GPR176: variants seen among roughly 807,000 people sequenced by gnomAD.
GPR176 encodes the protein G protein-coupled receptor 176.
In GPR176, 26 loss-of-function variants were observed where a neutral mutation model predicts 35.4. That is an observed-to-expected ratio of 0.74 (90% confidence interval 0.54 to 1.02). The LOEUF is 1.02. Among genes scored for constraint, GPR176 ranks in the 50% least tolerant of loss-of-function variants. The pLI is 0.00. For missense variants in GPR176, 597 were observed against 665.3 expected (o/e 0.90, Z 1.13); for synonymous variants, 278 against 271.3 (o/e 1.02, Z -0.24).
At chr15:39,905,931 C>G (rs1263643996) in intron 1 of GPR176, among the ~76,000 whole-genome samples, 1 of 152,174 alleles carries the variant, frequency 6.6e-6, no homozygotes, top group African/African-American at 2.4e-5. Context: ...ACAAACTACA[C>G]ACACACAAGC....
intron 1 of GPR176, chr15:39,909,842 T>C (rs1431837378): frequency 1.2e-6 from 1 of 864,310 alleles, no homozygotes; most frequent in Non-Finnish European, 1.4e-6. Flanking sequence ...AACTGTAAAT[T>C]TGGTAATCTT....
chr15:39,873,010 A>G (rs2032106426), intron 1 of GPR176, among the ~76,000 whole-genome samples: 1 of 151,660 alleles, frequency 6.6e-6, no homozygotes, highest in South Asian at 2.1e-4. Context: ...TAAGAAAATA[A>G]CTTTGGTAAC....
At chr15:39,805,583 C>T (rs1899139108) in intron 2 of GPR176, among the ~76,000 whole-genome samples, 1 of 152,144 alleles carries the variant, frequency 6.6e-6, no homozygotes, top group Non-Finnish European at 1.5e-5. Context: ...GACACACTCT[C>T]CACGTGCCAC....
At chr15:39,898,274 T>G (rs2033177625) in intron 1 of GPR176, among the ~76,000 whole-genome samples, 1 of 152,146 alleles carries the variant, frequency 6.6e-6, no homozygotes, top group South Asian at 2.1e-4. Context: ...ACGGTGACTT[T>G]GCCAAGTTAC....
chr15:39,857,705 G>C (rs1026973323), intron 1 of GPR176, among the ~76,000 whole-genome samples: 1 of 151,576 alleles, frequency 6.6e-6, no homozygotes, highest in Non-Finnish European at 1.5e-5. Context: ...GCGGTGGCTT[G>C]TGCCTGTAAT....
At chr15:39,815,752 A>C (rs1173424846) in intron 1 of GPR176, among the ~76,000 whole-genome samples, 1 of 152,220 alleles carries the variant, frequency 6.6e-6, no homozygotes, top group Non-Finnish European at 1.5e-5. Context: ...TTCCTCAAAA[A>C]AGTAACAAGA....
At chr15:39,831,762 A>G (rs1459149201) in intron 1 of GPR176, among the ~76,000 whole-genome samples, 1 of 152,106 alleles carries the variant, frequency 6.6e-6, no homozygotes, top group African/African-American at 2.4e-5. Flanking sequence ...AATATCTCTC[A>G]GCCACTAGTC....
intron 1 of GPR176, among the ~76,000 whole-genome samples, chr15:39,830,646 ACT>A (rs1901011534): frequency 6.6e-6 from 1 of 152,208 alleles, no homozygotes; most frequent in Admixed American, 6.5e-5. Context: ...AAGTGACTCT[ACT>A]CTGTGTGCTA....
chr15:39,882,055 A>G (rs2032495279), intron 1 of GPR176, among the ~76,000 whole-genome samples: 1 of 152,224 alleles, frequency 6.6e-6, no homozygotes. Context: ...ATTGTTCCAA[A>G]ACAAGTACAA....
chr15:39,886,280 C>G (rs2032672150), intron 1 of GPR176, among the ~76,000 whole-genome samples: 1 of 151,914 alleles, frequency 6.6e-6, no homozygotes, highest in Non-Finnish European at 1.5e-5. Context: ...CTTTGCCTAC[C>G]AGGAACTGTA....
intron 1 of GPR176, among the ~76,000 whole-genome samples, chr15:39,892,573 C>G (rs1056288566): frequency 6.6e-6 from 1 of 152,192 alleles, no homozygotes. Flanking sequence ...ATGTAGTAAT[C>G]AAGATGAGGT....
At chr15:39,892,951 A>C (rs1233864016) in intron 1 of GPR176, among the ~76,000 whole-genome samples, 4 of 152,246 alleles carry the variant, frequency 2.6e-5, no homozygotes, top group African/African-American at 4.8e-5. Flanking sequence ...GAGAAAAATA[A>C]GATATAAAGT....
At chr15:39,871,624 A>C (rs2140838964) in intron 1 of GPR176, among the ~76,000 whole-genome samples, 1 of 152,246 alleles carries the variant, frequency 6.6e-6, no homozygotes, top group African/African-American at 2.4e-5. Flanking sequence ...CCTCATCCTC[A>C]TGGCCCCTTT....
intron 1 of GPR176, among the ~76,000 whole-genome samples, chr15:39,849,688 A>G (rs2030716185): frequency 6.6e-6 from 1 of 152,182 alleles, no homozygotes. Flanking sequence ...CACATGACAA[A>G]TTTTAACACC....
intron 1 of GPR176, among the ~76,000 whole-genome samples, chr15:39,911,274 AT>A (rs2033569824): frequency 6.6e-6 from 1 of 152,172 alleles, no homozygotes; most frequent in African/African-American, 2.4e-5. Context: ...TCAGAAAAAA[AT>A]ATAAAAAGCA....
At position 39,846,298 on chromosome 15, in the gene GPR176, C is replaced by T. The variant is rs538416680; in HGVS notation, c.173-39040G>A. 3.2e-3 allele frequency among the ~76,000 whole-genome samples: 480 copies of T among 152,336 alleles called. 4 individuals are homozygous for T. The highest frequency in any genetic ancestry group is 5.0e-3 in the Non-Finnish European group (339 of 68,020). On this transcript the variant is annotated intron_variant, in intron 1 of 2. Transcript: ENST00000561100. Reference sequence around the variant, plus strand: ...TAGCCTCACAGGCTAGCTATCCTCACTCATTCCTGGGCATAGGCCAAGCTA... The same window carrying T: ...TAGCCTCACAGGCTAGCTATCCTCATTCATTCCTGGGCATAGGCCAAGCTA...
At chr15:39,842,872 G>T (rs954051995) in intron 1 of GPR176, among the ~76,000 whole-genome samples, 7 of 152,104 alleles carry the variant, frequency 4.6e-5, no homozygotes, top group Non-Finnish European at 4.4e-5. Flanking sequence ...ACTTGCTCTG[G>T]AGGAAGGAAA....
Position 39,832,690 on chromosome 15 carries a change from A to ACACACAC in GPR176, c.173-25433_173-25432insGTGTGTG, listed in dbSNP as rs1300551755. On this transcript the variant is annotated intron_variant, in intron 1 of 2. Coordinates refer to ENST00000561100, the MANE Select transcript of GPR176 (RefSeq NM_007223.3). Reference sequence around the variant, plus strand: ...ACACACACACACACACACACACACAAATCTTATAATGTCTTAAGAAAGTTT... The same window carrying ACACACAC: ...ACACACACACACACACACACACACAACACACACATCTTATAATGTCTTAAGAAAGTTT... 5.2e-4 allele frequency among the ~76,000 whole-genome samples: 32 copies of ACACACAC among 61,006 alleles called. No homozygotes were observed. The East Asian group carries it at 0.019, about 36-fold the overall frequency. The allele number at this position is 61,006 out of a possible 152,430, so 40.0% of individuals were successfully genotyped here.
At chr15:39,849,202 G>T (rs918853109) in intron 1 of GPR176, among the ~76,000 whole-genome samples, 1 of 151,982 alleles carries the variant, frequency 6.6e-6, no homozygotes, top group Non-Finnish European at 1.5e-5. Context: ...ACATAAATTT[G>T]ACTATTCCTT....
Sources: gnomAD v4.1 joint callset for allele counts (sites outside exome capture counted in the v4.1 genomes callset) on GRCh38, gnomAD v4.1.1 for gene constraint, MANE v1.5 for transcripts, NCBI Gene and HGNC (gene_info 2026-07-23, HGNC 2026-07-21) for gene names.